The following FAM76B variants were observed in gnomAD, a reference collection of about 807,000 sequenced individuals.
The protein encoded by FAM76B is protein FAM76B.
FAM76B carries 16 observed loss-of-function variants against 51.8 expected under a neutral mutation model. That is an observed-to-expected ratio of 0.31 (90% CI 0.21 to 0.47). FAM76B has a LOEUF of 0.47. FAM76B is among the 20% of genes least tolerant of loss of function. The pLI, the probability that FAM76B is intolerant of heterozygous loss-of-function variation, is 1.00. For synonymous variants in FAM76B, 166 were observed against 129.5 expected (o/e 1.28, Z -1.91); for missense variants, 342 against 392.6 (o/e 0.87, Z 1.09).
chr11:95,786,494 C>T (rs57631568), intron 3 of FAM76B: 23,296 of 424,774 alleles, frequency 0.055, 833 homozygotes, highest in African/African-American at 0.1. Flanking sequence ...ACTCTAAGAT[C>T]GTGAGAAATA....
At chr11:95,779,407 GAAC>G (rs919686681) in intron 7 of FAM76B, 197 bp downstream of exon 7, 8 of 582,958 alleles carry the variant, frequency 1.4e-5, no homozygotes, top group Admixed American at 1.1e-4. Context: ...TTCCCAAATA[GAAC>G]AACATAGTTC....
At chr11:95,780,812 C>T (rs1860226821) in intron 5 of FAM76B, among the ~76,000 whole-genome samples, 1 of 151,918 alleles carries the variant, frequency 6.6e-6, no homozygotes, top group African/African-American at 2.4e-5. Context: ...CTGATATGAG[C>T]ATTAAATGAG....
rs1859729218 is a variant in FAM76B at position 95,770,705 on chromosome 11, T to C, written c.*856A>G. On this transcript the variant is annotated 3_prime_UTR_variant, in exon 10 of 10. Coordinates refer to ENST00000358780, the MANE Select transcript of FAM76B (RefSeq NM_144664.5). The stretch of plus-strand genomic sequence containing the variant: ...AAAATTTTCTACAATCTATATGCAT[T>C]ATCAGTTAGTTCTAAATGTAATCTC... The C allele has an allele frequency of 6.6e-6, 1 of 151,750 alleles. No individual in the cohort carries two copies. Among genetic ancestry groups the C allele is most frequent in the Admixed American group, 6.6e-5 (1 of 15,160 alleles). 9.4% of individuals were successfully genotyped at this position (151,750 alleles called of 1,614,324 possible).
chr11:95,770,163 C>G lies in FAM76B; in HGVS notation c.*1398G>C, dbSNP rs1419893814. On this transcript the variant is annotated 3_prime_UTR_variant, in exon 10 of 10. Coordinates refer to ENST00000358780, the MANE Select transcript of FAM76B (RefSeq NM_144664.5). Reference sequence around the variant, plus strand: ...AATACTTTAAAATCAAACTAAAACTCTGAACTGATAATAACTAGGAGATAA... The same window carrying G: ...AATACTTTAAAATCAAACTAAAACTGTGAACTGATAATAACTAGGAGATAA... The G allele has an allele frequency of 4.6e-5, 7 of 151,574 alleles. No homozygotes were observed. Among genetic ancestry groups the G allele is most frequent in the Non-Finnish European group, 7.4e-5 (5 of 67,548 alleles). The allele number at this position is 151,574 out of a possible 1,614,324, so 9.4% of individuals were successfully genotyped here.
At chr11:95,778,785 A>AT (rs750200258) in intron 8 of FAM76B, 37 bp downstream of exon 8, 13 of 1,562,338 alleles carry the variant, frequency 8.3e-6, no homozygotes, top group African/African-American at 1.4e-5. Flanking sequence ...CAGTCAACAC[A>AT]TAACTCTTAC....
intron 9 of FAM76B, among the ~76,000 whole-genome samples, chr11:95,774,311 C>G (rs1484775792): frequency 6.6e-6 from 1 of 151,306 alleles, no homozygotes; most frequent in African/African-American, 2.4e-5. Flanking sequence ...TATGTAAAAT[C>G]ATGTCAAAAT....
At chr11:95,771,820 TGCAGAAGGAAAATTC>T (rs1859779734) in intron 9 of FAM76B, among the ~76,000 whole-genome samples, 170 bp from the exon 10 acceptor site, 1 of 151,170 alleles carries the variant, frequency 6.6e-6, no homozygotes, top group Admixed American at 6.6e-5. Context: ...AGGATGAACA[TGCAGAAGGAAAATTC>T]TAGATTGGCT....
intron 3 of FAM76B, 76 bp downstream of exon 3, chr11:95,787,548 A>C (rs779163563): frequency 3.1e-5 from 45 of 1,435,006 alleles, no homozygotes; most frequent in Non-Finnish European, 4.3e-5. Context: ...CCAGCAGTAC[A>C]TATTTTTTTA....
At chr11:95,772,772 A>G (rs1859826541) in intron 9 of FAM76B, among the ~76,000 whole-genome samples, 1 of 151,072 alleles carries the variant, frequency 6.6e-6, no homozygotes, top group East Asian at 1.9e-4. Flanking sequence ...AAGTGGTTTC[A>G]TGAAATAACC....
chr11:95,774,941 G>C (rs768499277), intron 9 of FAM76B, among the ~76,000 whole-genome samples: 1 of 149,624 alleles, frequency 6.7e-6, no homozygotes. Context: ...TACTTGCAAA[G>C]AAGTATGAAT....
chr11:95,778,868 C>T lies in FAM76B; in HGVS notation c.782G>A (p.Arg261His), dbSNP rs934415639. The stretch of plus-strand genomic sequence containing the variant: ...GGTCTGGTCTCTCTGCTGTAAGAGA[C>T]GCTTAAGTGACATCACTTCTTCTTT... ...QLKEEVMSLK[R>H]LLQQRDQTIL... is the part of the protein sequence containing the mutation. The change falls in exon 8 of 10, where the codon CGT (arginine) becomes CAT (histidine). Residue 261 changes from arginine (R) to histidine (H), a missense_variant. Arg to His is a conservative substitution (Grantham distance 29). Transcript: ENST00000358780. 2.5e-6 allele frequency: 4 copies of T among 1,610,500 alleles called. No homozygotes were observed. Among genetic ancestry groups the T allele is most frequent in the Non-Finnish European group, 3.4e-6 (4 of 1,177,912 alleles).
intron 3 of FAM76B, among the ~76,000 whole-genome samples, chr11:95,787,032 CTT>C (rs1412822873): frequency 6.6e-6 from 1 of 152,122 alleles, no homozygotes; most frequent in Non-Finnish European, 1.5e-5. Flanking sequence ...ATGATGCAAA[CTT>C]TATGGATAAG....
Position 95,778,809 on chromosome 11 carries a change from AC to A in FAM76B, c.828+12del. ...CATAACTCTTACCAGGCTTCAATGA[AC>A]CATGTTCTTACCTTTTTATCTTTTT... On this transcript the variant is annotated intron_variant, in intron 8 of 9. Coordinates refer to ENST00000358780, the MANE Select transcript of FAM76B (RefSeq NM_144664.5). 3 of 1,590,324 alleles carry A rather than the reference AC, an allele frequency of 1.9e-6. No individual in the cohort carries two copies. The South Asian group carries it at 3.5e-5, about 18-fold the overall frequency.
At chr11:95,783,680 GAC>G (rs1360928118) in intron 4 of FAM76B, among the ~76,000 whole-genome samples, 4 of 152,138 alleles carry the variant, frequency 2.6e-5, no homozygotes, top group Admixed American at 6.5e-5. Context: ...GCATCTAAAT[GAC>G]ACACAGAGTT....
intron 5 of FAM76B, among the ~76,000 whole-genome samples, chr11:95,781,825 CACT>C (rs151126561): frequency 0.038 from 5,853 of 152,176 alleles, 157 homozygotes; most frequent in Middle Eastern, 0.088. Context: ...ATTTAGAAAA[CACT>C]ACAACATGGT....
At chr11:95,787,873 T>C (rs1377243217) in intron 2 of FAM76B, among the ~76,000 whole-genome samples, 195 bp from the exon 3 acceptor site, 3 of 152,222 alleles carry the variant, frequency 2.0e-5, no homozygotes, top group African/African-American at 4.8e-5. Flanking sequence ...TTATACATTT[T>C]TATTGCATAT....
rs897151284 is a variant in FAM76B, at chr11:95,769,532, T to C, written c.*2029A>G. ...TTAATATTCAACTTTTTAATTTTGATGTTAGCTAAGGGGAAGGACGAGGAC... is the reference window on the plus strand; with the variant it reads ...TTAATATTCAACTTTTTAATTTTGACGTTAGCTAAGGGGAAGGACGAGGAC... On this transcript the variant is annotated 3_prime_UTR_variant, in exon 10 of 10. Transcript: ENST00000358780. 1 of 152,146 alleles carries C rather than the reference T, an allele frequency of 6.6e-6. No individual in the cohort carries two copies. Among genetic ancestry groups the C allele is most frequent in the Non-Finnish European group, 1.5e-5 (1 of 67,752 alleles). The allele number at this position is 152,146 out of a possible 1,614,324, so 9.4% of individuals were successfully genotyped here.
At chr11:95,779,569 A>C in intron 7 of FAM76B, 38 bp downstream of exon 7, 1 of 1,539,462 alleles carries the variant, frequency 6.5e-7, no homozygotes, top group Non-Finnish European at 8.8e-7. Context: ...TATTCAACTA[A>C]GTTGAATTTT....
chr11:95,779,865 A>G lies in FAM76B; in HGVS notation c.611+14T>C, dbSNP rs1187607839. ...CATTTCAAAATACTTCAGAAAATAC[A>G]GCAATGTATTTACCTCTGTTTCCAC... On this transcript the variant is annotated intron_variant, in intron 6 of 9. Transcript: ENST00000358780. The G allele has an allele frequency of 2.5e-6, 4 of 1,596,710 alleles. No individual in the cohort carries two copies. The East Asian group carries it at 6.7e-5, about 27-fold the overall frequency.
Sources: gnomAD v4.1 joint callset for allele counts (sites outside exome capture counted in the v4.1 genomes callset) on GRCh38, gnomAD v4.1.1 for gene constraint, MANE v1.5 for transcripts, NCBI Gene and HGNC (gene_info 2026-07-23, HGNC 2026-07-21) for gene names.